Variants in ANKS1B observed in about 807,000 individuals in gnomAD.
ANKS1B encodes the protein ankyrin repeat and sterile alpha motif domain containing 1B.
Under a neutral mutation model 148.3 loss-of-function variants are expected in ANKS1B, and 36 were observed. The ratio of observed to expected loss-of-function variants is 0.24; its 90% CI spans 0.19 to 0.32. ANKS1B has a LOEUF of 0.32. Ranked by LOEUF, ANKS1B falls within the 10% of genes least tolerant of loss-of-function variation. The probability of loss-of-function intolerance (pLI) is 1.00; values close to 1 mark genes in which losing one functional copy is unlikely to be tolerated. For missense variants in ANKS1B, 1,157 were observed against 1,542.6 expected, an observed-to-expected ratio of 0.75 and a Z score of 4.19; for synonymous variants, 542 against 560.8, an observed-to-expected ratio of 0.97 and a Z score of 0.47.
intron 11 of ANKS1B, among the ~76,000 whole-genome samples, chr12:99,417,531 A>G (rs2094944654): frequency 6.6e-6 from 1 of 152,124 alleles, no homozygotes; most frequent in Admixed American, 6.5e-5. Context: ...TAGTTATCCT[A>G]GTTACTTTAC....
chr12:98,994,858 T>G (rs1001544492), intron 17 of ANKS1B, among the ~76,000 whole-genome samples: 1 of 152,172 alleles, frequency 6.6e-6, no homozygotes, highest in African/African-American at 2.4e-5. Context: ...ATCACCTCTT[T>G]GAAGATCCCA....
At chr12:99,017,797 A>T (rs1397840964) in intron 17 of ANKS1B, among the ~76,000 whole-genome samples, 1 of 152,152 alleles carries the variant, frequency 6.6e-6, no homozygotes, top group African/African-American at 2.4e-5. Context: ...CAGAGGATTG[A>T]TCTGGTCTGT....
chr12:99,138,608 A>G (rs1025661013), intron 15 of ANKS1B, among the ~76,000 whole-genome samples: 2 of 152,118 alleles, frequency 1.3e-5, no homozygotes, highest in Non-Finnish European at 2.9e-5. Context: ...GTCTTCTCAT[A>G]TGGTGCATGT....
chr12:99,325,500 T>C (rs1233844288), intron 12 of ANKS1B, among the ~76,000 whole-genome samples: 1 of 151,078 alleles, frequency 6.6e-6, no homozygotes, highest in Non-Finnish European at 1.5e-5. Flanking sequence ...AAATTCATTT[T>C]TTCCATGCTC....
At chr12:99,184,494 G>A (rs1369565436) in intron 14 of ANKS1B, among the ~76,000 whole-genome samples, 1 of 152,208 alleles carries the variant, frequency 6.6e-6, no homozygotes, top group Non-Finnish European at 1.5e-5. Context: ...TAGAGATCTA[G>A]ATTCCAATTC....
At chr12:99,454,157 T>C (rs1468013143) in intron 10 of ANKS1B, among the ~76,000 whole-genome samples, 3 of 152,178 alleles carry the variant, frequency 2.0e-5, no homozygotes, top group Non-Finnish European at 4.4e-5. Flanking sequence ...GAGATGATGT[T>C]GGCAAGATAA....
intron 10 of ANKS1B, among the ~76,000 whole-genome samples, chr12:99,454,159 G>T (rs1001261845): frequency 2.0e-5 from 3 of 152,162 alleles, no homozygotes; most frequent in Non-Finnish European, 2.9e-5. Context: ...GATGATGTTG[G>T]CAAGATAAAG....
intron 22 of ANKS1B, among the ~76,000 whole-genome samples, chr12:98,793,895 G>C (rs551968849): frequency 1.1e-4 from 16 of 152,264 alleles, no homozygotes; most frequent in African/African-American, 3.4e-4. Flanking sequence ...TGGGGTATGG[G>C]TAAGCCTAGG....
chr12:99,054,269 C>T (rs2099968116), intron 16 of ANKS1B, among the ~76,000 whole-genome samples: 1 of 152,016 alleles, frequency 6.6e-6, no homozygotes, highest in Non-Finnish European at 1.5e-5. Context: ...CAAGGCTGGG[C>T]AAAACACAAC....
chr12:99,932,155 T>C (rs2094634629), intron 1 of ANKS1B, among the ~76,000 whole-genome samples: 1 of 152,204 alleles, frequency 6.6e-6, no homozygotes, highest in Non-Finnish European at 1.5e-5. Flanking sequence ...CACATTTTCT[T>C]CATCTATTTG....
intron 1 of ANKS1B, among the ~76,000 whole-genome samples, chr12:99,888,969 AACACACAC>A (rs6144833): frequency 1.4e-5 from 2 of 147,194 alleles, no homozygotes; most frequent in Non-Finnish European, 1.5e-5. Context: ...CCTTCGCCAA[AACACACAC>A]ACACACACAC....
chr12:99,602,856 G>A (rs2097815481), intron 9 of ANKS1B, among the ~76,000 whole-genome samples: 1 of 152,000 alleles, frequency 6.6e-6, no homozygotes, highest in African/African-American at 2.4e-5. Context: ...GGTAGATATG[G>A]ACCCTCAAAA....
At chr12:99,638,191 G>T (rs936513294) in intron 9 of ANKS1B, among the ~76,000 whole-genome samples, 1 of 152,112 alleles carries the variant, frequency 6.6e-6, no homozygotes, top group South Asian at 2.1e-4. Flanking sequence ...ATGTGAAAGC[G>T]ACTTTGGAAC....
intron 17 of ANKS1B, chr12:98,895,282 C>G: frequency 2.0e-6 from 2 of 985,482 alleles, no homozygotes; most frequent in Non-Finnish European, 2.4e-6. Flanking sequence ...CTCGCATCCT[C>G]GGTTACTATG....
At chr12:99,962,882 C>T (rs1460386204) in intron 1 of ANKS1B, among the ~76,000 whole-genome samples, 2 of 145,822 alleles carry the variant, frequency 1.4e-5, no homozygotes, top group Admixed American at 7.1e-5. Context: ...GGCATGATCT[C>T]GGCTCACTGC....
intron 15 of ANKS1B, among the ~76,000 whole-genome samples, chr12:99,153,983 A>T (rs1566490522): frequency 6.6e-6 from 1 of 152,204 alleles, no homozygotes; most frequent in Non-Finnish European, 1.5e-5. Context: ...AAATTTATTT[A>T]AAAAATCATA....
chr12:99,288,548 G>A (rs1405407394), intron 12 of ANKS1B, among the ~76,000 whole-genome samples: 1 of 152,072 alleles, frequency 6.6e-6, no homozygotes, highest in African/African-American at 2.4e-5. Context: ...GGTGTTTAAA[G>A]CACCCATATC....
chr12:99,550,156 T>C (rs767265150), intron 9 of ANKS1B, among the ~76,000 whole-genome samples: 9 of 152,284 alleles, frequency 5.9e-5, no homozygotes, highest in African/African-American at 2.2e-4. Context: ...CTATCTTGAG[T>C]GCTCTCTATC....
intron 21 of ANKS1B, 37 bp downstream of exon 21, chr12:98,800,959 TC>T: frequency 6.3e-7 from 1 of 1,596,758 alleles, no homozygotes; most frequent in Non-Finnish European, 8.5e-7. Flanking sequence ...ACCCCCTATC[TC>T]CACTTAGGCC....
Sources: gnomAD v4.1 joint callset for allele counts (sites outside exome capture counted in the v4.1 genomes callset) on GRCh38, gnomAD v4.1.1 for gene constraint, MANE v1.5 for transcripts, NCBI Gene and HGNC (gene_info 2026-07-23, HGNC 2026-07-21) for gene names.